Variants in HIF1AN observed in about 807,000 individuals in gnomAD.
HIF1AN encodes hypoxia-inducible factor 1-alpha inhibitor.
A neutral mutation model predicts 47.7 loss-of-function variants in HIF1AN; 21 were observed. The observed-to-expected ratio is 0.44, with a 90% confidence interval of 0.31 to 0.63. The LOEUF is 0.63. Among genes scored for constraint, HIF1AN ranks in the 30% least tolerant of loss-of-function variants. The pLI, the probability that HIF1AN is intolerant of heterozygous loss-of-function variation, is 0.07. For missense variants in HIF1AN, 320 were observed against 432.7 expected, an observed-to-expected ratio of 0.74 and a Z score of 2.31; for synonymous variants, 152 against 155.9, an observed-to-expected ratio of 0.98 and a Z score of 0.18.
At position 100,544,602 on chromosome 10, in the gene HIF1AN, C is replaced by T. The variant is rs534390223; in HGVS notation, c.578-349C>T. 7.9e-5 allele frequency among the ~76,000 whole-genome samples: 12 copies of T among 152,182 alleles called. No homozygotes were observed. The East Asian group carries it at 1.3e-3, about 17-fold the overall frequency. ...TGTTTTGCTTTCCTTGAATTCCTGC[C>T]GTAGTCAAGAAGAGTACACGGTGTA... On this transcript the variant is annotated intron_variant, in intron 3 of 7. Transcript: ENST00000299163.
Position 100,556,572 on chromosome 10 carries a change from G to A in HIF1AN, c.*8435G>A, listed in dbSNP as rs1564667147. 6.6e-6 allele frequency: 1 copy of A among 152,194 alleles called. No homozygotes were observed. Among genetic ancestry groups the A allele is most frequent in the Non-Finnish European group, 1.5e-5 (1 of 68,040 alleles). 9.4% of individuals were successfully genotyped at this position (152,194 alleles called of 1,614,324 possible). On this transcript the variant is annotated 3_prime_UTR_variant, in exon 8 of 8. Transcript: ENST00000299163. ...GTAGGACCATGGATTTAAGAACGTT[G>A]CCTCCAAGTTTTTGAATTGTGAATT...
At chr10:100,537,800 A>G (rs766641455) in intron 2 of HIF1AN, among the ~76,000 whole-genome samples, 4 of 152,232 alleles carry the variant, frequency 2.6e-5, no homozygotes, top group Non-Finnish European at 5.9e-5. Flanking sequence ...GTCTGTGGCT[A>G]AGTGAATGGA....
At position 100,558,609 on chromosome 10, in the gene HIF1AN, G is replaced by A. The variant is rs983921054; in HGVS notation, c.*10472G>A. 2 of 152,202 alleles carry A rather than the reference G, an allele frequency of 1.3e-5. No individual in the cohort carries two copies. The highest frequency in any genetic ancestry group is 2.9e-5 in the Non-Finnish European group (2 of 68,026). 9.4% of individuals were successfully genotyped at this position (152,202 alleles called of 1,614,324 possible). On this transcript the variant is annotated 3_prime_UTR_variant, in exon 8 of 8. Transcript: ENST00000299163. ...CTGTGAGAAAGTGCAGTTAGGCCCT[G>A]AATAGCGTCAAACTCAGGGATGTGA...
At position 100,549,510 on chromosome 10, in the gene HIF1AN, C is replaced by G; in HGVS notation, c.*1373C>G. ...TCAATAGTCAGGGCAACTGGTGGAG[C>G]ATGGAAGTCGAATTTCCTTTTCTGT... On this transcript the variant is annotated 3_prime_UTR_variant, in exon 8 of 8. Coordinates refer to ENST00000299163, the MANE Select transcript of HIF1AN (RefSeq NM_017902.3). 6.6e-6 allele frequency: 1 copy of G among 152,296 alleles called. No homozygotes were observed. The highest frequency in any genetic ancestry group is 3.2e-3 in the Middle Eastern group (1 of 316). 9.4% of individuals were successfully genotyped at this position (152,296 alleles called of 1,614,324 possible).
Position 100,551,956 on chromosome 10 carries a change from C to T in HIF1AN, c.*3819C>T, listed in dbSNP as rs529702831. 6.6e-6 allele frequency: 1 copy of T among 152,300 alleles called. No homozygotes were observed. The highest frequency in any genetic ancestry group is 1.9e-4 in the East Asian group (1 of 5,166). 9.4% of individuals were successfully genotyped at this position (152,300 alleles called of 1,614,324 possible). ...GCTCCCCCGAGAGGGCCTCGCTACT[C>T]TACGCTTCCTAGCAACGTTGATGTC... On this transcript the variant is annotated 3_prime_UTR_variant, in exon 8 of 8. Transcript: ENST00000299163.
In HIF1AN at chr10:100,542,846, GTTTTTTTTTTT is replaced by G. The variant is rs397730143; in HGVS notation, c.577+2077_578-2082del. On this transcript the variant is annotated intron_variant, in intron 3 of 7. Transcript: ENST00000299163. Reference sequence around the variant, plus strand: ...CATACACTAATAAATATGTGAATGTGTTTTTTTTTTTTTTTTTTTTTTTCTTTTGAATGAAA... The same window carrying G: ...CATACACTAATAAATATGTGAATGTGTTTTTTTTTTTTCTTTTGAATGAAA... Among the ~76,000 whole-genome samples, 13 of 111,768 alleles carry G rather than the reference GTTTTTTTTTTT, an allele frequency of 1.2e-4. No homozygotes were observed. In the East Asian group the frequency reaches 2.8e-3, roughly 24 times the overall value. The allele number at this position is 111,768 out of a possible 152,430, so 73.3% of individuals were successfully genotyped here.
rs1843186997 is a variant in HIF1AN at position 100,553,622 on chromosome 10, A to G, written c.*5485A>G. On this transcript the variant is annotated 3_prime_UTR_variant, in exon 8 of 8. Transcript: ENST00000299163. ...CTATTCTCATATTTTGGGAAGGAGC[A>G]TATGTCCTTTAACTTTCAATGGTAA... 6.6e-6 allele frequency: 1 copy of G among 152,240 alleles called. No homozygotes were observed. Among genetic ancestry groups the G allele is most frequent in the African/African-American group, 2.4e-5 (1 of 41,450 alleles). 9.4% of individuals were successfully genotyped at this position (152,240 alleles called of 1,614,324 possible).
At chr10:100,544,922 T>C (rs756482683) in intron 3 of HIF1AN, 29 bp from the exon 4 acceptor site, 3 of 1,612,014 alleles carry the variant, frequency 1.9e-6, no homozygotes, top group Non-Finnish European at 1.7e-6. Flanking sequence ...ACCACTGCTC[T>C]GCATAAGAAA....
intron 4 of HIF1AN, 109 bp from the exon 5 acceptor site, chr10:100,545,834 G>GTTTTTTTTTTTT: frequency 3.1e-6 from 2 of 637,130 alleles, no homozygotes; most frequent in East Asian, 2.9e-5. Context: ...TTAAGGCATC[G>GTTTTTTTTTTTT]TTTTTTTTTT....
In HIF1AN at chr10:100,547,233, T is replaced by C. The variant is rs762448310; in HGVS notation, c.988T>C (p.Leu330=). 2 of 1,613,170 alleles carry C rather than the reference T, an allele frequency of 1.2e-6. No homozygotes were observed. The highest frequency in any genetic ancestry group is 1.7e-6 in the Non-Finnish European group (2 of 1,179,360). ...CATTGAGAAGATGCTTGGAGAGGCCTTGGGGAACCCACAAGAGGTAGGTGA... is the reference window on the plus strand; with the variant it reads ...CATTGAGAAGATGCTTGGAGAGGCCCTGGGGAACCCACAAGAGGTAGGTGA... ...RNIEKMLGEA[L]GNPQEVGPLL... is the part of the protein sequence containing the mutation. Residue 330 remains leucine (L), a synonymous_variant, in exon 7 of 8, where the codon TTG becomes CTG. Transcript: ENST00000299163.
At chr10:100,546,298 G>A (rs771265445) in intron 5 of HIF1AN, among the ~76,000 whole-genome samples, 1 of 152,104 alleles carries the variant, frequency 6.6e-6, no homozygotes, top group Non-Finnish European at 1.5e-5. Flanking sequence ...TAGAAAAACT[G>A]TTCTTGGCTC....
rs1843214682 is a variant in HIF1AN at position 100,556,344 on chromosome 10, C to T, written c.*8207C>T. ...TGAAAATAAGACATTGGAGCTGCTG[C>T]TCCCCAAGGAGATAAAAGGACAGTT... is the stretch of plus-strand genomic sequence containing the variant. On this transcript the variant is annotated 3_prime_UTR_variant, in exon 8 of 8. Coordinates refer to ENST00000299163, the MANE Select transcript of HIF1AN (RefSeq NM_017902.3). 1 of 152,144 alleles carries T rather than the reference C, an allele frequency of 6.6e-6. No individual in the cohort carries two copies. Among genetic ancestry groups the T allele is most frequent in the Admixed American group, 6.5e-5 (1 of 15,270 alleles). 9.4% of individuals were successfully genotyped at this position (152,144 alleles called of 1,614,324 possible).
Position 100,553,928 on chromosome 10 carries a change from T to C in HIF1AN, c.*5791T>C, listed in dbSNP as rs1048676169. 6.6e-6 allele frequency: 1 copy of C among 152,234 alleles called. No individual in the cohort carries two copies. The highest frequency in any genetic ancestry group is 1.9e-4 in the East Asian group (1 of 5,204). The allele number at this position is 152,234 out of a possible 1,614,324, so 9.4% of individuals were successfully genotyped here. A position where few individuals can be genotyped will look rare whatever the true frequency, so the allele number is the denominator to read the frequency against. Reference sequence around the variant, plus strand: ...GTGGTGGTGGTGGTTATATTTATTATGTGATTTATTCAGAAACTTGGTTTC... The same window carrying C: ...GTGGTGGTGGTGGTTATATTTATTACGTGATTTATTCAGAAACTTGGTTTC... On this transcript the variant is annotated 3_prime_UTR_variant, in exon 8 of 8. Transcript: ENST00000299163.
rs1219779825 is a variant in HIF1AN, at chr10:100,558,067, CTG to C, written c.*9931_*9932del. 1.3e-5 allele frequency: 2 copies of C among 152,326 alleles called. No individual in the cohort carries two copies. Among genetic ancestry groups the C allele is most frequent in the Non-Finnish European group, 2.9e-5 (2 of 68,196 alleles). The allele number at this position is 152,326 out of a possible 1,614,324, so 9.4% of individuals were successfully genotyped here. On this transcript the variant is annotated 3_prime_UTR_variant, in exon 8 of 8. Transcript: ENST00000299163. The stretch of plus-strand genomic sequence containing the variant: ...AGTACTGGAGATGGAGTAGGGACCT[CTG>C]GGAATCGTTGGCATGGGGGTGTGGT...
chr10:100,536,178 C>T (rs1209078114), intron 1 of HIF1AN, 43 bp downstream of exon 1: 2 of 1,542,364 alleles, frequency 1.3e-6, no homozygotes, highest in East Asian at 2.3e-5. Context: ...AGGAAGGTAC[C>T]CGGTTGAGAG....
rs1425072007 is a variant in HIF1AN at position 100,551,183 on chromosome 10, T to A, written c.*3046T>A. 6.6e-6 allele frequency: 1 copy of A among 152,118 alleles called. No homozygotes were observed. The highest frequency in any genetic ancestry group is 1.5e-5 in the Non-Finnish European group (1 of 68,022). 9.4% of individuals were successfully genotyped at this position (152,118 alleles called of 1,614,324 possible). A position where few individuals can be genotyped will look rare whatever the true frequency, so the allele number is the denominator to read the frequency against. The stretch of plus-strand genomic sequence containing the variant: ...CAGTTGAGCAGATGCCCAGGATGCC[T>A]GGGGGAGACCAGCTTCCCCTACAAA... On this transcript the variant is annotated 3_prime_UTR_variant, in exon 8 of 8. Transcript: ENST00000299163.
At position 100,551,355 on chromosome 10, in the gene HIF1AN, T is replaced by A. The variant is rs1187542340; in HGVS notation, c.*3218T>A. The A allele has an allele frequency of 6.6e-6, 1 of 152,250 alleles. No homozygotes were observed. Among genetic ancestry groups the A allele is most frequent in the African/African-American group, 2.4e-5 (1 of 41,462 alleles). 9.4% of individuals were successfully genotyped at this position (152,250 alleles called of 1,614,324 possible). The stretch of plus-strand genomic sequence containing the variant: ...ACAATTAGGAATGAGCGATCATTAA[T>A]CTGAATCTGTTAGGAGACAGAGAGG... On this transcript the variant is annotated 3_prime_UTR_variant, in exon 8 of 8. Coordinates refer to ENST00000299163, the MANE Select transcript of HIF1AN (RefSeq NM_017902.3).
rs1843087962 is a variant in HIF1AN, at chr10:100,545,834, G to A, written c.724-109G>A. Reference sequence around the variant, plus strand: ...TTCCAAATACTTTTTTTAAGGCATCGTTTTTTTTTTGTTTGTTTGTTTGTT... The same window carrying A: ...TTCCAAATACTTTTTTTAAGGCATCATTTTTTTTTTGTTTGTTTGTTTGTT... On this transcript the variant is annotated intron_variant, in intron 4 of 7. Transcript: ENST00000299163. 2.4e-5 allele frequency: 15 copies of A among 637,208 alleles called. No individual in the cohort carries two copies. The South Asian group carries it at 2.6e-4, about 11-fold the overall frequency. The allele number at this position is 637,208 out of a possible 1,614,324, so 39.5% of individuals were successfully genotyped here. A position where few individuals can be genotyped will look rare whatever the true frequency, so the allele number is the denominator to read the frequency against.
chr10:100,537,041 G>A (rs960831712), intron 2 of HIF1AN, among the ~76,000 whole-genome samples: 4 of 152,180 alleles, frequency 2.6e-5, no homozygotes, highest in African/African-American at 9.6e-5. Flanking sequence ...AAAGTGAGAA[G>A]CCAAGGCCGG....
Sources: allele counts gnomAD v4.1 joint callset (sites outside exome capture counted in the v4.1 genomes callset), GRCh38; gene constraint gnomAD v4.1.1; transcripts MANE v1.5; gene names NCBI Gene and HGNC (gene_info 2026-07-23, HGNC 2026-07-21).